The following LRP1B variants were observed in gnomAD, a reference collection of about 807,000 sequenced individuals.
LRP1B encodes low-density lipoprotein receptor-related protein 1B.
Under a neutral mutation model 556.6 loss-of-function variants are expected in LRP1B, and 217 were observed. The ratio of observed to expected loss-of-function variants is 0.39; its 90% CI spans 0.35 to 0.44. The LOEUF is 0.44. Ranked by LOEUF, LRP1B falls within the 20% of genes least tolerant of loss-of-function variation. LRP1B has a pLI of 1.00. For synonymous variants in LRP1B, 2,047 were observed against 1,865.8 expected, an observed-to-expected ratio of 1.10 and a Z score of -2.50; for missense variants, 5,053 against 5,620.8, an observed-to-expected ratio of 0.90 and a Z score of 3.23.
At chr2:140,548,135 T>A (rs955386713) in intron 43 of LRP1B, among the ~76,000 whole-genome samples, 6 of 152,098 alleles carry the variant, frequency 3.9e-5, no homozygotes, top group Non-Finnish European at 8.8e-5. Context: ...ATTCTTAAGA[T>A]CATTTAGGTA....
chr2:140,652,427 T>A (rs542955), intron 41 of LRP1B, among the ~76,000 whole-genome samples: 10,752 of 152,052 alleles, frequency 0.071, 462 homozygotes, highest in African/African-American at 0.11. Context: ...AAAAGTTTTT[T>A]AAAAAAGCAT....
In LRP1B at chr2:140,868,115, C is replaced by T. The variant is rs1439104941; in HGVS notation, c.4318G>A (p.Val1440Met). The T allele has an allele frequency of 4.4e-6, 7 of 1,600,128 alleles. No individual in the cohort carries two copies. The highest frequency in any genetic ancestry group is 1.8e-5 in the Admixed American group (1 of 57,078). ...TTTTTAAACCTGGCGTCTGTCCACA[C>T]TATCCTTTTCTCAAAGTGGTCCACA... is the stretch of plus-strand genomic sequence containing the variant. ...LTVDHFEKRI[V>M]WTDARSDAIY... The change falls in exon 26 of 91, where the codon GTG becomes ATG. Residue 1440 changes from valine (V) to methionine (M), a missense_variant. Val to Met is a conservative substitution (Grantham distance 21, BLOSUM62 1). Around this residue, in one of 5 missense-constraint regions of LRP1B, gnomAD observed 3,619 missense variants for 3,931.9 expected, o/e 0.92. Transcript: ENST00000389484.
chr2:141,182,553 A>C (rs1363317694), intron 7 of LRP1B, among the ~76,000 whole-genome samples: 1 of 151,904 alleles, frequency 6.6e-6, no homozygotes, highest in East Asian at 1.9e-4. Context: ...TTTTCCAAAG[A>C]AACTTTAAGT....
chr2:140,818,246 C>T (rs1178639089), intron 31 of LRP1B, among the ~76,000 whole-genome samples: 1 of 152,126 alleles, frequency 6.6e-6, no homozygotes, highest in Non-Finnish European at 1.5e-5. Context: ...CAGGCCTCTA[C>T]ACAGGTATAA....
intron 6 of LRP1B, among the ~76,000 whole-genome samples, chr2:141,218,553 A>T (rs1682907771): frequency 6.6e-6 from 1 of 152,200 alleles, no homozygotes; most frequent in African/African-American, 2.4e-5. Context: ...AACACTATAT[A>T]TTCTCACTTA....
chr2:141,448,781 G>C (rs1327243771), intron 3 of LRP1B, among the ~76,000 whole-genome samples: 1 of 152,150 alleles, frequency 6.6e-6, no homozygotes. Context: ...TGGAAATGCA[G>C]AAATCACCCA....
rs193058756 is a variant in LRP1B at position 140,813,125 on chromosome 2, T to C, written c.5359+532A>G. Among the ~76,000 whole-genome samples, 5 of 152,248 alleles carry C rather than the reference T, an allele frequency of 3.3e-5. No individual in the cohort carries two copies. The East Asian group carries it at 9.7e-4, about 29-fold the overall frequency. ...ATCATTTTACTTACCTAGCACCTTTTTTTCCCTAGAAGATTGAATCAAAGA... is the reference window on the plus strand; with the variant it reads ...ATCATTTTACTTACCTAGCACCTTTCTTTCCCTAGAAGATTGAATCAAAGA... On this transcript the variant is annotated intron_variant, in intron 32 of 90. Transcript: ENST00000389484.
intron 16 of LRP1B, among the ~76,000 whole-genome samples, chr2:140,991,549 A>G (rs1433009767): frequency 1.3e-5 from 2 of 152,100 alleles, no homozygotes; most frequent in African/African-American, 4.8e-5. Flanking sequence ...TCCATGTGCC[A>G]GGCACTGTGC....
rs141605274 is a variant in LRP1B at position 140,238,196 on chromosome 2, C to T, written c.13516G>A (p.Asp4506Asn). Residue 4506 changes from aspartate to asparagine, a missense_variant, in exon 89 of 91, where the codon GAT (aspartate) becomes AAT (asparagine). Asp to Asn is a conservative substitution (Grantham distance 23). Coordinates refer to ENST00000389484, the MANE Select transcript of LRP1B (RefSeq NM_018557.3). ...NMYEVDHDHN[D>N]GGLLDPGFMI... is the part of the protein sequence containing the mutation. Reference sequence around the variant, plus strand: ...AAGCCAGGATCTAAAAGACCTCCATCGTTGTGATCATGATCTACCTCATAC... The same window carrying T: ...AAGCCAGGATCTAAAAGACCTCCATTGTTGTGATCATGATCTACCTCATAC... 5 of 1,605,234 alleles carry T rather than the reference C, an allele frequency of 3.1e-6. No homozygotes were observed. Among genetic ancestry groups the T allele is most frequent in the Non-Finnish European group, 4.3e-6 (5 of 1,174,548 alleles).
At chr2:140,766,176 T>A (rs1689097550) in intron 35 of LRP1B, among the ~76,000 whole-genome samples, 1 of 147,798 alleles carries the variant, frequency 6.8e-6, no homozygotes, top group South Asian at 2.2e-4. Context: ...AAAGAACCTA[T>A]AATCAGGTGA....
At chr2:140,784,654 AAAC>A in intron 32 of LRP1B, among the ~76,000 whole-genome samples, 1 of 151,964 alleles carries the variant, frequency 6.6e-6, no homozygotes, top group Non-Finnish European at 1.5e-5. Flanking sequence ...AATAAAATGA[AAAC>A]AAATAAATAT....
chr2:140,307,512 T>G (rs1684118969), intron 83 of LRP1B, among the ~76,000 whole-genome samples: 3 of 151,786 alleles, frequency 2.0e-5, no homozygotes, highest in African/African-American at 7.2e-5. Context: ...CATAAGATGC[T>G]CCTAAGAATT....
intron 1 of LRP1B, among the ~76,000 whole-genome samples, chr2:141,867,078 A>G (rs1346576531): frequency 6.6e-6 from 1 of 152,182 alleles, no homozygotes; most frequent in African/African-American, 2.4e-5. Flanking sequence ...AAAGCAGTAT[A>G]TAAAACACTA....
intron 75 of LRP1B, among the ~76,000 whole-genome samples, chr2:140,354,152 C>T (rs996399022): frequency 6.6e-6 from 1 of 152,026 alleles, no homozygotes. Context: ...ATTTCCCCTG[C>T]CTCATTTTAT....
intron 1 of LRP1B, among the ~76,000 whole-genome samples, chr2:141,911,339 T>C (rs1217147793): frequency 6.6e-6 from 1 of 152,170 alleles, no homozygotes; most frequent in Non-Finnish European, 1.5e-5. Context: ...GCAATAAAAT[T>C]ATCTTTCTTG....
At chr2:140,630,580 C>T (rs1268347450) in intron 41 of LRP1B, among the ~76,000 whole-genome samples, 1 of 152,158 alleles carries the variant, frequency 6.6e-6, no homozygotes, top group Non-Finnish European at 1.5e-5. Flanking sequence ...GAGTGAGAAA[C>T]TCTTTCAACT....
At chr2:141,102,202 A>G (rs1338451437) in intron 7 of LRP1B, among the ~76,000 whole-genome samples, 1 of 152,136 alleles carries the variant, frequency 6.6e-6, no homozygotes, top group Non-Finnish European at 1.5e-5. Context: ...AACCTTATGA[A>G]TTAGAATTAG....
Position 140,371,213 on chromosome 2 carries a change from T to G in LRP1B, c.10841A>C (p.Asn3614Thr). The G allele has an allele frequency of 3.1e-6, 5 of 1,597,014 alleles. No homozygotes were observed. Among genetic ancestry groups the G allele is most frequent in the Non-Finnish European group, 4.3e-6 (5 of 1,171,678 alleles). Residue 3614 changes from asparagine to threonine, a missense_variant, in exon 70 of 91, where the codon AAT becomes ACT. Asn to Thr is a moderately conservative substitution (Grantham distance 65). Around this residue, in one of 5 missense-constraint regions of LRP1B, gnomAD observed 599 missense variants for 648.4 expected, o/e 0.92. Coordinates refer to ENST00000389484, the MANE Select transcript of LRP1B (RefSeq NM_018557.3). ...DGCISASLKC[N>T]GEYDCADGSD... ...ACCATCAGCACAATCATATTCTCCA[T>G]TACATTTCAAAGATGCTGAAATACA...
intron 89 of LRP1B, among the ~76,000 whole-genome samples, chr2:140,237,197 C>T (rs1184705817): frequency 6.6e-6 from 1 of 150,928 alleles, no homozygotes; most frequent in African/African-American, 2.4e-5. Flanking sequence ...CCTCTAGTAA[C>T]CACTATTCTA....
Sources: allele counts gnomAD v4.1 joint callset (sites outside exome capture counted in the v4.1 genomes callset), GRCh38; gene constraint gnomAD v4.1.1; regional missense constraint gnomAD v4.1.1; transcripts MANE v1.5; gene names NCBI Gene and HGNC (gene_info 2026-07-23, HGNC 2026-07-21).